NT5DC1: variants seen among roughly 807,000 people sequenced by gnomAD.
NT5DC1 encodes the protein 5'-nucleotidase domain-containing protein 1.
NT5DC1 carries 42 observed loss-of-function variants against 59.4 expected under a neutral mutation model. The observed-to-expected ratio is 0.71, with a 90% CI of 0.55 to 0.92. The LOEUF is 0.92. Among genes scored for constraint, NT5DC1 ranks in the 40% least tolerant of loss-of-function variants. The pLI is 0.00. For synonymous variants in NT5DC1, 172 were observed against 188.1 expected (o/e 0.91, Z 0.70); for missense variants, 501 against 537.1 (o/e 0.93, Z 0.66).
chr6:116,116,641 C>T (rs962007174), intron 5 of NT5DC1, among the ~76,000 whole-genome samples: 1 of 151,880 alleles, frequency 6.6e-6, no homozygotes, highest in Admixed American at 6.6e-5. Flanking sequence ...GACTGCGTCT[C>T]AAAATAATAA....
intron 6 of NT5DC1, among the ~76,000 whole-genome samples, chr6:116,124,549 G>A (rs1234519572): frequency 1.3e-5 from 2 of 152,172 alleles, no homozygotes; most frequent in Admixed American, 1.3e-4. Context: ...GCTAAAAGTA[G>A]TAGAAATAAA....
rs199827970 is a variant in NT5DC1, at chr6:116,135,834, G to GATATATATATAT, written c.529+17917_529+17928dup. Among the ~76,000 whole-genome samples, 81 of 102,328 alleles carry GATATATATATAT rather than the reference G, an allele frequency of 7.9e-4. 1 individual carries two copies. The highest frequency in any genetic ancestry group is 1.3e-3 in the Non-Finnish European group (67 of 50,558). The allele number at this position is 102,328 out of a possible 152,430, so 67.1% of individuals were successfully genotyped here. A position where few individuals can be genotyped will look rare whatever the true frequency, so the allele number is the denominator to read the frequency against. On this transcript the variant is annotated intron_variant, in intron 6 of 11. Transcript: ENST00000319550. ...ATTTATGGTATACAATATATTTTCA[G>GATATATATATAT]ATATATATATATATATATATATATA... is the stretch of plus-strand genomic sequence containing the variant.
At chr6:116,210,884 G>A (rs890704079) in intron 6 of NT5DC1, among the ~76,000 whole-genome samples, 87 of 152,078 alleles carry the variant, frequency 5.7e-4, no homozygotes, top group East Asian at 4.5e-3. Flanking sequence ...GAATCACATA[G>A]AAGTATTAGT....
chr6:116,228,946 T>C (rs1055622167), intron 8 of NT5DC1, among the ~76,000 whole-genome samples: 1 of 152,198 alleles, frequency 6.6e-6, no homozygotes, highest in Non-Finnish European at 1.5e-5. Flanking sequence ...TATATACTGA[T>C]GGTTGACATT....
At chr6:116,217,783 T>C (rs1011812533) in intron 6 of NT5DC1, among the ~76,000 whole-genome samples, 7 of 152,176 alleles carry the variant, frequency 4.6e-5, no homozygotes, top group Non-Finnish European at 1.5e-5. Context: ...TTCTTGCCTT[T>C]AGAAGTTTAT....
intron 6 of NT5DC1, among the ~76,000 whole-genome samples, chr6:116,213,558 A>G (rs967347393): frequency 6.6e-6 from 1 of 152,110 alleles, no homozygotes; most frequent in South Asian, 2.1e-4. Flanking sequence ...ATTAACTCCA[A>G]CTCTAGACAT....
chr6:116,167,527 A>G (rs1219325727), intron 6 of NT5DC1, among the ~76,000 whole-genome samples: 1 of 152,142 alleles, frequency 6.6e-6, no homozygotes, highest in Non-Finnish European at 1.5e-5. Context: ...AGAACTTTCT[A>G]AGGCAAAAAA....
intron 6 of NT5DC1, among the ~76,000 whole-genome samples, chr6:116,143,810 C>T (rs141208274): frequency 6.6e-6 from 1 of 152,034 alleles, no homozygotes; most frequent in Non-Finnish European, 1.5e-5. Flanking sequence ...ATAATCAAAT[C>T]AAGAAAAATT....
chr6:116,191,581 TCTC>T (rs1286583704), intron 6 of NT5DC1, among the ~76,000 whole-genome samples: 3 of 152,026 alleles, frequency 2.0e-5, no homozygotes, highest in South Asian at 4.1e-4. Context: ...CCACATCTTT[TCTC>T]CTCAAGGTAC....
chr6:116,168,867 A>G (rs573316351), intron 6 of NT5DC1, among the ~76,000 whole-genome samples: 15 of 152,202 alleles, frequency 9.9e-5, no homozygotes, highest in African/African-American at 2.6e-4. Flanking sequence ...CCTGTCATCA[A>G]TTTTTAGAGA....
rs147423847 is a variant in NT5DC1 at position 116,120,269 on chromosome 6, T to A, written c.529+2324T>A. The A allele has an allele frequency of 2.4e-5, 39 of 1,614,108 alleles. No individual in the cohort carries two copies. The African/African-American group carries it at 4.9e-4, about 20-fold the overall frequency. On this transcript the variant is annotated intron_variant, in intron 6 of 11. Transcript: ENST00000319550. ...GGTGTACATTACAGGGGTGCCATTC[T>A]TATACAGGCCTACCCAAACATGAGT...
At chr6:116,176,362 T>C (rs1780734305) in intron 6 of NT5DC1, among the ~76,000 whole-genome samples, 2 of 152,196 alleles carry the variant, frequency 1.3e-5, no homozygotes, top group Non-Finnish European at 2.9e-5. Flanking sequence ...TTTGCTTCTG[T>C]TGGGCCTGGA....
chr6:116,136,050 G>A (rs943050336), intron 6 of NT5DC1, among the ~76,000 whole-genome samples: 11 of 151,708 alleles, frequency 7.3e-5, no homozygotes, highest in Non-Finnish European at 1.6e-4. Flanking sequence ...TTCATCCTAC[G>A]TAACTGAAAC....
intron 5 of NT5DC1, among the ~76,000 whole-genome samples, chr6:116,116,059 T>C (rs1385704773): frequency 6.6e-6 from 1 of 152,166 alleles, no homozygotes; most frequent in Admixed American, 6.5e-5. Flanking sequence ...AAAACATTTT[T>C]TTTAGCAAAA....
chr6:116,182,235 G>GTGTGTGTGTGTGTA (rs1554198454), intron 6 of NT5DC1, among the ~76,000 whole-genome samples: 23,275 of 151,322 alleles, frequency 0.15, 1,948 homozygotes, highest in East Asian at 0.23. Flanking sequence ...GTGTGTGTGT[G>GTGTGTGTGTGTGTA]TGTGTGTGTG....
chr6:116,212,619 T>C (rs1781602261), intron 6 of NT5DC1, among the ~76,000 whole-genome samples: 1 of 152,162 alleles, frequency 6.6e-6, no homozygotes, highest in South Asian at 2.1e-4. Flanking sequence ...ATCTTTAAAA[T>C]GCATATTCCT....
intron 6 of NT5DC1, among the ~76,000 whole-genome samples, chr6:116,197,914 C>A (rs1003582296): frequency 6.6e-6 from 1 of 152,030 alleles, no homozygotes; most frequent in Non-Finnish European, 1.5e-5. Context: ...AGGAGCTCCA[C>A]AAATAGCTTC....
chr6:116,210,037 G>C (rs923429111), intron 6 of NT5DC1, among the ~76,000 whole-genome samples: 2 of 151,976 alleles, frequency 1.3e-5, no homozygotes, highest in Non-Finnish European at 2.9e-5. Flanking sequence ...AGCAAAATAT[G>C]TGGTGGCTAC....
intron 1 of NT5DC1, 30 bp downstream of exon 1, chr6:116,101,053 C>T (rs772720248): frequency 6.7e-7 from 1 of 1,485,278 alleles, no homozygotes; most frequent in Non-Finnish European, 9.3e-7. Flanking sequence ...GGGCGCACTG[C>T]GCGCAACCTC....
Sources: allele counts gnomAD v4.1 joint callset (sites outside exome capture counted in the v4.1 genomes callset), GRCh38; gene constraint gnomAD v4.1.1; transcripts MANE v1.5; gene names NCBI Gene and HGNC (gene_info 2026-07-23, HGNC 2026-07-21).